Variants in HEMK2 observed in about 807,000 individuals in gnomAD.
The protein encoded by HEMK2 is HemK methyltransferase 2, ETF1 glutamine and histone H4 lysine.
the HEMK2 span, among the ~76,000 whole-genome samples, chr21:28,729,767 A>G: frequency 1.3e-5 from 2 of 152,236 alleles, no homozygotes; most frequent in African/African-American, 4.8e-5. Context: ...CTTGGCCTAC[A>G]GAAATTCTTG....
At chr21:28,680,488 A>G in the HEMK2 span, among the ~76,000 whole-genome samples, 4 of 152,328 alleles carry the variant, frequency 2.6e-5, no homozygotes, top group Admixed American at 1.3e-4. Context: ...AGGAGCTGGT[A>G]CCATTCCTTC....
the HEMK2 span, among the ~76,000 whole-genome samples, chr21:28,759,453 C>G: frequency 1.3e-5 from 2 of 152,272 alleles, no homozygotes; most frequent in Non-Finnish European, 2.9e-5. Flanking sequence ...GGCTCATCGG[C>G]AGAAGGGACT....
At chr21:28,761,866 T>C in the HEMK2 span, among the ~76,000 whole-genome samples, 2 of 151,946 alleles carry the variant, frequency 1.3e-5, no homozygotes, top group Admixed American at 6.6e-5. Context: ...GGGCAGCAAA[T>C]TGAAAAGACG....
the HEMK2 span, among the ~76,000 whole-genome samples, chr21:28,631,735 C>A: frequency 2.0e-5 from 3 of 151,422 alleles, no homozygotes; most frequent in African/African-American, 7.3e-5. Context: ...ATTTCACACA[C>A]AAAGACAAGA....
At chr21:28,838,996 T>C in the HEMK2 span, among the ~76,000 whole-genome samples, 12 of 60,524 alleles carry the variant, frequency 2.0e-4, no homozygotes, top group East Asian at 8.4e-4. Flanking sequence ...TATATATATA[T>C]ATATACATAT....
At chr21:28,853,381 C>A in the HEMK2 span, among the ~76,000 whole-genome samples, 1 of 152,206 alleles carries the variant, frequency 6.6e-6, no homozygotes, top group Admixed American at 6.5e-5. Flanking sequence ...GGGCCCAAAT[C>A]AATAAATTCA....
the HEMK2 span, among the ~76,000 whole-genome samples, chr21:28,762,438 G>A: frequency 6.6e-6 from 1 of 151,818 alleles, no homozygotes; most frequent in African/African-American, 2.4e-5. Context: ...ATAAAAACAA[G>A]GCCTCTCTCA....
the HEMK2 span, among the ~76,000 whole-genome samples, chr21:28,613,463 T>C: frequency 6.6e-6 from 1 of 151,906 alleles, no homozygotes; most frequent in Non-Finnish European, 1.5e-5. Context: ...TAAAATAAAA[T>C]AGGATACCAT....
At chr21:28,606,912 T>C in the HEMK2 span, among the ~76,000 whole-genome samples, 2 of 152,236 alleles carry the variant, frequency 1.3e-5, no homozygotes, top group Admixed American at 1.3e-4. Context: ...AAATTATTTT[T>C]GGCCAACTTG....
At chr21:28,641,607 T>C in the HEMK2 span, among the ~76,000 whole-genome samples, 2,921 of 152,306 alleles carry the variant, frequency 0.019, 128 homozygotes, top group East Asian at 0.14. Context: ...AGCTCCTTGG[T>C]TGTTGTAAAG....
the HEMK2 span, among the ~76,000 whole-genome samples, chr21:28,626,276 T>C: frequency 1.3e-5 from 2 of 152,200 alleles, no homozygotes; most frequent in Non-Finnish European, 2.9e-5. Context: ...TAAGTGTAAG[T>C]GTTAACTAGG....
At chr21:28,831,587 G>GAA in the HEMK2 span, among the ~76,000 whole-genome samples, 17 of 80,920 alleles carry the variant, frequency 2.1e-4, no homozygotes, top group African/African-American at 7.8e-4. Context: ...AAGAAGGAAA[G>GAA]AAGGAAAGAA....
chr21:28,862,020 TCCTA>T, the HEMK2 span, among the ~76,000 whole-genome samples: 1 of 152,238 alleles, frequency 6.6e-6, no homozygotes, highest in Non-Finnish European at 1.5e-5. Flanking sequence ...TTTGGGCTCC[TCCTA>T]CCTTTAAGTC....
the HEMK2 span, among the ~76,000 whole-genome samples, chr21:28,740,009 A>C: frequency 1.3e-5 from 2 of 152,218 alleles, no homozygotes; most frequent in African/African-American, 4.8e-5. Context: ...AAAACAAGTT[A>C]GCAATATTTT....
chr21:28,681,538 T>C, the HEMK2 span, among the ~76,000 whole-genome samples: 138 of 152,164 alleles, frequency 9.1e-4, no homozygotes, highest in Middle Eastern at 3.4e-3. Flanking sequence ...CTTCACAGAA[T>C]TGGAAAAAAA....
At chr21:28,666,636 G>A in the HEMK2 span, among the ~76,000 whole-genome samples, 202 of 152,256 alleles carry the variant, frequency 1.3e-3, no homozygotes, top group African/African-American at 4.7e-3. Flanking sequence ...TAACAGAGGA[G>A]GGCAGGTTTT....
At chr21:28,791,249 G>A in the HEMK2 span, among the ~76,000 whole-genome samples, 8 of 152,104 alleles carry the variant, frequency 5.3e-5, no homozygotes, top group South Asian at 2.1e-4. Context: ...TTCATTATGC[G>A]ATCAAGGTTG....
chr21:28,691,992 T>C, the HEMK2 span, among the ~76,000 whole-genome samples: 1 of 152,222 alleles, frequency 6.6e-6, no homozygotes, highest in Non-Finnish European at 1.5e-5. Context: ...TAAATCTTAC[T>C]CATTATTTGA....
At chr21:28,746,049 T>C in the HEMK2 span, among the ~76,000 whole-genome samples, 2 of 152,228 alleles carry the variant, frequency 1.3e-5, no homozygotes, top group Non-Finnish European at 2.9e-5. Flanking sequence ...ACATATTTTA[T>C]TGGATACTCT....
Sources: gnomAD v4.1 joint callset for allele counts (sites outside exome capture counted in the v4.1 genomes callset) on GRCh38, gnomAD v4.1.1 for gene constraint, MANE v1.5 for transcripts, NCBI Gene and HGNC (gene_info 2026-07-23, HGNC 2026-07-21) for gene names.